The following PPP2R2C variants were observed in gnomAD, a reference collection of about 807,000 sequenced individuals.
The protein encoded by PPP2R2C is protein phosphatase 2 regulatory subunit Bgamma.
In PPP2R2C, 10 loss-of-function variants were observed where a neutral mutation model predicts 45.3. That is an observed-to-expected ratio of 0.22 (90% CI 0.14 to 0.37). The LOEUF (loss-of-function observed/expected upper bound fraction) is 0.37, where lower values mean the gene tolerates loss of function less well. Ranked by LOEUF, PPP2R2C falls within the 10% of genes least tolerant of loss-of-function variation. The pLI is 1.00. For missense variants in PPP2R2C, 308 were observed against 619.7 expected (o/e 0.50, Z 5.34); for synonymous variants, 257 against 245.4 (o/e 1.05, Z -0.44).
chr4:6,405,366 A>G (rs1717725388), intron 1 of PPP2R2C, among the ~76,000 whole-genome samples: 1 of 152,220 alleles, frequency 6.6e-6, no homozygotes, highest in African/African-American at 2.4e-5. Context: ...ACCGGCTCTC[A>G]GCAGGCATTC....
At chr4:6,508,262 A>T (rs376894998) in intron 2 of PPP2R2C, among the ~76,000 whole-genome samples, 39 of 152,240 alleles carry the variant, frequency 2.6e-4, no homozygotes, top group Admixed American at 1.2e-3. Context: ...TACAGCTGGC[A>T]TCAGGGAAAG....
chr4:6,339,419 A>G (rs945506380), intron 6 of PPP2R2C, among the ~76,000 whole-genome samples: 1 of 152,044 alleles, frequency 6.6e-6, no homozygotes, highest in Non-Finnish European at 1.5e-5. Flanking sequence ...TTCTTCCCCA[A>G]CCTGATGTGG....
chr4:6,507,835 G>A (rs762850199), intron 2 of PPP2R2C, among the ~76,000 whole-genome samples: 19 of 152,158 alleles, frequency 1.2e-4, no homozygotes, highest in African/African-American at 4.6e-4. Flanking sequence ...TGACCCTCTG[G>A]GTAAATCATG....
At chr4:6,444,224 T>G (rs1577187251) in intron 1 of PPP2R2C, among the ~76,000 whole-genome samples, 2 of 152,164 alleles carry the variant, frequency 1.3e-5, no homozygotes, top group African/African-American at 4.8e-5. Context: ...GGAAATCAGA[T>G]GGATAAATAG....
In PPP2R2C at chr4:6,525,154, C is replaced by T. The variant is rs571552314; in HGVS notation, c.49+10117G>A. Among the ~76,000 whole-genome samples, 63 of 152,250 alleles carry T rather than the reference C, an allele frequency of 4.1e-4. No individual in the cohort carries two copies. The Middle Eastern group carries it at 0.017, about 41-fold the overall frequency. ...GCGTGGTGGCACACACCTGTAATCCCAGCACTTTGGGAGGCCGAGATGGTT... is the reference window on the plus strand; with the variant it reads ...GCGTGGTGGCACACACCTGTAATCCTAGCACTTTGGGAGGCCGAGATGGTT... On this transcript the variant is annotated intron_variant, in intron 2 of 9. Coordinates refer to the PPP2R2C transcript ENST00000506140.
chr4:6,323,515 G>C lies in PPP2R2C; in HGVS notation c.1131C>G (p.Ala377=), dbSNP rs181812477. The part of the protein sequence containing the change: ...RNTKRDVTLE[A]SRESSKPRAV... ...CCCGGGGCTTGCTGCTTTCCCTCGA[G>C]GCCTCCAGGGTCACGTCCCGCTTGG... Residue 377 remains alanine (A), a synonymous_variant, in exon 9 of 9, where the codon GCC becomes GCG. Coordinates refer to ENST00000382599, the MANE Select transcript of PPP2R2C (RefSeq NM_020416.4). 2 of 1,604,878 alleles carry C rather than the reference G, an allele frequency of 1.2e-6. No individual in the cohort carries two copies. The highest frequency in any genetic ancestry group is 1.7e-6 in the Non-Finnish European group (2 of 1,172,580).
At position 6,324,051 on chromosome 4, in the gene PPP2R2C, AC is replaced by A. The variant is rs1408759510; in HGVS notation, c.1053-459del. Among the ~76,000 whole-genome samples, 1 of 152,026 alleles carries A rather than the reference AC, an allele frequency of 6.6e-6. No individual in the cohort carries two copies. The highest frequency in any genetic ancestry group is 2.4e-5 in the African/African-American group (1 of 41,378). On this transcript the variant is annotated intron_variant, in intron 8 of 8. Transcript: ENST00000382599. This position sits in a 1 kb window ranked among gnomAD's most constrained non-coding sequence, Gnocchi z 4.1. ...TCCCCTGTATCTTGGGGTCTCTTAT[AC>A]CCCCTCACATGTCAGCTGCCACCAA...
chr4:6,384,062 G>A (rs761972508), intron 1 of PPP2R2C: 177 of 985,362 alleles, frequency 1.8e-4, no homozygotes, highest in Non-Finnish European at 2.0e-4. Flanking sequence ...GTGGGAACAC[G>A]GAAACGCCCA....
At chr4:6,476,525 G>A (rs1031644974), upstream of PPP2R2C, among the ~76,000 whole-genome samples, 2 of 152,138 alleles carry the variant, frequency 1.3e-5, no homozygotes, top group Non-Finnish European at 2.9e-5. Flanking sequence ...CCACAAATCA[G>A]GAAGCCCTCA....
intron 2 of PPP2R2C, among the ~76,000 whole-genome samples, chr4:6,530,248 GT>G (rs1267095063): frequency 6.6e-6 from 1 of 152,092 alleles, no homozygotes; most frequent in Non-Finnish European, 1.5e-5. Context: ...TGCATCTTGA[GT>G]TCTCCTTGTT....
At chr4:6,560,318 G>A (rs1019689545) in intron 1 of PPP2R2C, among the ~76,000 whole-genome samples, 1 of 152,238 alleles carries the variant, frequency 6.6e-6, no homozygotes, top group South Asian at 2.1e-4. Context: ...AGCCAGGGGC[G>A]TTTCCATACT....
At chr4:6,538,304 A>C (rs183435692) in intron 1 of PPP2R2C, among the ~76,000 whole-genome samples, 1 of 151,830 alleles carries the variant, frequency 6.6e-6, no homozygotes, top group Non-Finnish European at 1.5e-5. Context: ...TCTTTACCCC[A>C]CCCCACGGAC....
intron 1 of PPP2R2C, among the ~76,000 whole-genome samples, chr4:6,557,094 G>T (rs1553909641): frequency 6.6e-6 from 1 of 152,162 alleles, no homozygotes; most frequent in Non-Finnish European, 1.5e-5. Context: ...GAGGATTCAA[G>T]GTACCAGCCT....
intron 1 of PPP2R2C, 28 bp from the exon 2 acceptor site, chr4:6,381,122 G>A: frequency 6.4e-7 from 1 of 1,557,788 alleles, no homozygotes; most frequent in East Asian, 2.4e-5. Flanking sequence ...AGACGGGAAG[G>A]GGTGGCTGTC....
intron 1 of PPP2R2C, chr4:6,384,269 G>A (rs1435607497): frequency 1.1e-5 from 11 of 985,248 alleles, no homozygotes; most frequent in East Asian, 2.3e-4. Context: ...GTGAAGGAAC[G>A]GGATATAAAA....
At chr4:6,447,302 C>T (rs1180888958) in intron 1 of PPP2R2C, among the ~76,000 whole-genome samples, 1 of 152,168 alleles carries the variant, frequency 6.6e-6, no homozygotes, top group Non-Finnish European at 1.5e-5. Flanking sequence ...ACGCTGCCAC[C>T]TCAGCCAACT....
In PPP2R2C at chr4:6,331,168, A is replaced by C. The variant is rs73795973; in HGVS notation, c.961-1815T>G. Among the ~76,000 whole-genome samples the C allele has an allele frequency of 0.015, 2,293 of 152,216 alleles. 43 individuals are homozygous for C. Among genetic ancestry groups the C allele is most frequent in the African/African-American group, 0.052 (2,161 of 41,518 alleles). On this transcript the variant is annotated intron_variant, in intron 7 of 8. Coordinates refer to ENST00000382599, the MANE Select transcript of PPP2R2C (RefSeq NM_020416.4). This position sits in a 1 kb window ranked among gnomAD's most constrained non-coding sequence, Gnocchi z 5.9. ...TACTCAGCTCCCAGCAGCCTTGGTG[A>C]TGCACGCGTCCAAATGCGCATGCTG...
At chr4:6,350,888 G>C (rs1202975614) in intron 5 of PPP2R2C, 1 of 985,298 alleles carries the variant, frequency 1.0e-6, no homozygotes, top group Non-Finnish European at 1.2e-6. Context: ...TGAAGTGGGT[G>C]TTTGAGGCCT....
intron 1 of PPP2R2C, among the ~76,000 whole-genome samples, chr4:6,456,305 TTTCCC>T (rs764604592): frequency 0.02 from 2,556 of 130,778 alleles, 37 homozygotes; most frequent in Non-Finnish European, 0.033. Context: ...AAGGATGTTA[TTTCCC>T]CCCCCCCCCT....
Sources: allele counts gnomAD v4.1 joint callset (sites outside exome capture counted in the v4.1 genomes callset), GRCh38; gene constraint gnomAD v4.1.1; non-coding constraint Gnocchi (gnomAD v3.1); transcripts MANE v1.5; gene names NCBI Gene and HGNC (gene_info 2026-07-23, HGNC 2026-07-21).